Variants in SHCBP1 observed in about 807,000 individuals in gnomAD.
SHCBP1 encodes SHC binding and spindle associated 1.
SHCBP1 carries 60 observed loss-of-function variants against 75.1 expected under a neutral mutation model. The observed-to-expected ratio is 0.80, with a 90% CI of 0.65 to 0.99. The LOEUF is 0.99. Ranked by LOEUF, SHCBP1 falls within the 50% of genes least tolerant of loss-of-function variation. The pLI is 0.00. For missense variants in SHCBP1, 709 were observed against 809.4 expected (o/e 0.88, Z 1.50); for synonymous variants, 290 against 293.2 (o/e 0.99, Z 0.11).
chr16:46,604,179 C>G, intron 6 of SHCBP1, 36 bp from the exon 7 acceptor site: 1 of 1,612,890 alleles, frequency 6.2e-7, no homozygotes, highest in Non-Finnish European at 8.5e-7. Context: ...AGTAAGACAG[C>G]AAGTAAGAAA....
rs369525476 is a variant in SHCBP1, at chr16:46,584,189, T to C, written c.1465-100A>G. 17 of 740,996 alleles carry C rather than the reference T, an allele frequency of 2.3e-5. No individual in the cohort carries two copies. The East Asian group carries it at 4.2e-4, about 18-fold the overall frequency. 45.9% of individuals were successfully genotyped at this position (740,996 alleles called of 1,614,324 possible). A position where few individuals can be genotyped will look rare whatever the true frequency, so the allele number is the denominator to read the frequency against. ...CTTAGCCTTTAACACAGTACAAATG[T>C]ACAGCACAAAGATAAAGTACTTTAC... On this transcript the variant is annotated intron_variant, in intron 10 of 12. Transcript: ENST00000303383.
At position 46,604,082 on chromosome 16, in the gene SHCBP1, G is replaced by C. The variant is rs1965286959; in HGVS notation, c.985C>G (p.Gln329Glu). 4 of 1,614,174 alleles carry C rather than the reference G, an allele frequency of 2.5e-6. No homozygotes were observed. The highest frequency in any genetic ancestry group is 3.4e-6 in the Non-Finnish European group (4 of 1,180,038). Residue 329 changes from glutamine (Q) to glutamate (E), a missense_variant, in exon 7 of 13, where the codon CAG becomes GAG. Coordinates refer to ENST00000303383, the MANE Select transcript of SHCBP1 (RefSeq NM_024745.5). ...IQAKGVRSSG[Q>E]KITHVVSSTM... ...GAGGAGACCACATGAGTGATCTTCT[G>C]ACCGCTGGAACGGACACCCTTTGCT...
At chr16:46,592,677 A>G (rs1486579270) in intron 10 of SHCBP1, among the ~76,000 whole-genome samples, 2 of 152,086 alleles carry the variant, frequency 1.3e-5, no homozygotes, top group African/African-American at 4.8e-5. Context: ...ATTCATGAAT[A>G]TAGATGCAAA....
In SHCBP1 at chr16:46,581,492, G is replaced by A. The variant is rs1466696525; in HGVS notation, c.*237C>T. ...GAGAACCATGTGTATAAGAAAGCAA[G>A]ACTTTCAGATAAGCAATCTCCAAAT... On this transcript the variant is annotated 3_prime_UTR_variant, in exon 13 of 13. Coordinates refer to ENST00000303383, the MANE Select transcript of SHCBP1 (RefSeq NM_024745.5). 1.7e-5 allele frequency: 8 copies of A among 473,380 alleles called. No homozygotes were observed. Among genetic ancestry groups the A allele is most frequent in the Non-Finnish European group, 3.0e-5 (8 of 267,802 alleles). 29.3% of individuals were successfully genotyped at this position (473,380 alleles called of 1,614,324 possible).
chr16:46,604,922 C>G (rs749107133), intron 5 of SHCBP1, among the ~76,000 whole-genome samples: 1 of 152,130 alleles, frequency 6.6e-6, no homozygotes. Flanking sequence ...CTGAATACGA[C>G]TTTAAAAATT....
intron 11 of SHCBP1, 32 bp from the exon 12 acceptor site, chr16:46,583,689 T>G (rs761502320): frequency 6.3e-7 from 1 of 1,581,956 alleles, no homozygotes; most frequent in Non-Finnish European, 8.5e-7. Context: ...TTTTAGGAAC[T>G]GTCATATTCA....
chr16:46,587,873 A>G (rs1964977308), intron 10 of SHCBP1, among the ~76,000 whole-genome samples: 1 of 152,228 alleles, frequency 6.6e-6, no homozygotes, highest in Middle Eastern at 3.2e-3. Flanking sequence ...TCTTCACAGC[A>G]CCACATCACA....
chr16:46,584,144 A>G, intron 10 of SHCBP1, 55 bp from the exon 11 acceptor site: 1 of 1,280,266 alleles, frequency 7.8e-7, no homozygotes. Context: ...CAAGACTATA[A>G]GAGTTTATTA....
intron 5 of SHCBP1, 139 bp downstream of exon 5, chr16:46,608,158 T>A: frequency 1.7e-6 from 1 of 604,232 alleles, no homozygotes; most frequent in South Asian, 2.1e-5. Flanking sequence ...GTCTATGAGA[T>A]CCTGGAAAGA....
At chr16:46,618,456 A>G in intron 1 of SHCBP1, 84 bp from the exon 2 acceptor site, 1 of 1,363,254 alleles carries the variant, frequency 7.3e-7, no homozygotes, top group South Asian at 1.7e-5. Flanking sequence ...GAAATCCCAA[A>G]CAAAATACAA....
chr16:46,608,544 A>G (rs8052092), intron 4 of SHCBP1, among the ~76,000 whole-genome samples, 155 bp from the exon 5 acceptor site: 144,683 of 151,356 alleles, frequency 0.96, 69,482 homozygotes, highest in East Asian at 1. Flanking sequence ...CACACAACAT[A>G]GAGACCTTTT....
intron 9 of SHCBP1, among the ~76,000 whole-genome samples, chr16:46,597,515 A>G (rs1233104850): frequency 3.9e-5 from 6 of 152,238 alleles, no homozygotes; most frequent in Admixed American, 1.3e-4. Context: ...TATGTTTTTT[A>G]ACAATATATA....
intron 10 of SHCBP1, among the ~76,000 whole-genome samples, chr16:46,591,594 T>C (rs891062707): frequency 1.3e-5 from 2 of 151,174 alleles, no homozygotes; most frequent in Non-Finnish European, 2.9e-5. Flanking sequence ...CTCTCAACAA[T>C]TGGCAGAAAA....
chr16:46,607,294 G>A lies in SHCBP1; in HGVS notation c.689+1003C>T, dbSNP rs548686211. On this transcript the variant is annotated intron_variant, in intron 5 of 12. Coordinates refer to ENST00000303383, the MANE Select transcript of SHCBP1 (RefSeq NM_024745.5). Reference sequence around the variant, plus strand: ...CACTTGAGCCCAGGAGATTGAGGCTGCAGTGAGTGACATCACACTGCTGCA... The same window carrying A: ...CACTTGAGCCCAGGAGATTGAGGCTACAGTGAGTGACATCACACTGCTGCA... Among the ~76,000 whole-genome samples the A allele has an allele frequency of 6.6e-5, 10 of 152,298 alleles. No individual in the cohort carries two copies. The South Asian group carries it at 1.7e-3, about 25-fold the overall frequency.
intron 10 of SHCBP1, among the ~76,000 whole-genome samples, chr16:46,590,387 G>C (rs951306575): frequency 2.0e-5 from 3 of 152,152 alleles, no homozygotes; most frequent in Non-Finnish European, 4.4e-5. Flanking sequence ...GCAACCTACA[G>C]AATGCAAGAA....
At chr16:46,604,599 T>C in intron 5 of SHCBP1, 138 bp from the exon 6 acceptor site, 1 of 620,302 alleles carries the variant, frequency 1.6e-6, no homozygotes, top group South Asian at 2.0e-5. Context: ...TCTTTCTGAA[T>C]AGCACTGTAA....
chr16:46,619,439 C>T (rs1423109351), intron 1 of SHCBP1, among the ~76,000 whole-genome samples: 2 of 151,998 alleles, frequency 1.3e-5, no homozygotes, highest in African/African-American at 4.8e-5. Context: ...CACAGATGAC[C>T]AAAGTGTACT....
At chr16:46,609,436 T>A (rs983730488) in intron 4 of SHCBP1, among the ~76,000 whole-genome samples, 8 of 145,240 alleles carry the variant, frequency 5.5e-5, no homozygotes, top group African/African-American at 1.8e-4. Context: ...TCCACACTTT[T>A]CTTTTCTTTT....
At chr16:46,621,064 G>C (rs1046051065) in intron 1 of SHCBP1, among the ~76,000 whole-genome samples, 193 bp downstream of exon 1, 4 of 152,226 alleles carry the variant, frequency 2.6e-5, no homozygotes, top group African/African-American at 4.8e-5. Context: ...GGATAGGGAA[G>C]AGAGGGAGTC....
Sources: gnomAD v4.1 joint callset for allele counts (sites outside exome capture counted in the v4.1 genomes callset) on GRCh38, gnomAD v4.1.1 for gene constraint, MANE v1.5 for transcripts, NCBI Gene and HGNC (gene_info 2026-07-23, HGNC 2026-07-21) for gene names.